Variants in PIK3C2G observed in about 807,000 individuals in gnomAD.
PIK3C2G encodes phosphatidylinositol-4-phosphate 3-kinase catalytic subunit type 2 gamma.
A neutral mutation model predicts 181.1 loss-of-function variants in PIK3C2G; 168 were observed. That is an observed-to-expected ratio of 0.93 (90% CI 0.82 to 1.05). The LOEUF is 1.05. Among genes scored for constraint, PIK3C2G ranks in the 50% least tolerant of loss-of-function variants. PIK3C2G has a pLI of 0.00. For synonymous variants in PIK3C2G, 573 were observed against 592.2 expected (o/e 0.97, Z 0.47); for missense variants, 1,869 against 1,732.8 (o/e 1.08, Z -1.40).
At chr12:18,247,503 G>C (rs899667084), upstream of PIK3C2G, 27 of 152,316 alleles carry the variant, frequency 1.8e-4, no homozygotes, top group African/African-American at 6.5e-4. Flanking sequence ...GTTTCCTAGC[G>C]AAGTGACCCA....
intron 18 of PIK3C2G, among the ~76,000 whole-genome samples, chr12:18,477,393 C>A (rs1369695201): frequency 6.6e-6 from 1 of 152,046 alleles, no homozygotes; most frequent in Non-Finnish European, 1.5e-5. Flanking sequence ...TTGAAACGAA[C>A]TGATAGAGTG....
chr12:18,663,238 G>C, the PIK3C2G span, among the ~76,000 whole-genome samples: 6 of 152,044 alleles, frequency 3.9e-5, no homozygotes, highest in African/African-American at 1.2e-4. Flanking sequence ...AGTTAGGCAA[G>C]AAAAGGAAAT....
chr12:18,701,786 C>A, the PIK3C2G span: 2 of 1,591,010 alleles, frequency 1.3e-6, no homozygotes, highest in Non-Finnish European at 1.7e-6. Context: ...CCTAAGGAAA[C>A]AATTTGAGAG....
At chr12:18,649,547 C>T (rs933969543), downstream of PIK3C2G, among the ~76,000 whole-genome samples, 1 of 152,070 alleles carries the variant, frequency 6.6e-6, no homozygotes, top group Non-Finnish European at 1.5e-5. Context: ...AATTGCTGAC[C>T]CACTACCCTG....
At chr12:18,344,653 T>C (rs1375130748) in intron 10 of PIK3C2G, among the ~76,000 whole-genome samples, 1 of 152,142 alleles carries the variant, frequency 6.6e-6, no homozygotes, top group Non-Finnish European at 1.5e-5. Context: ...CACAAAACTG[T>C]ACAGAAATGT....
the PIK3C2G span, chr12:18,699,997 G>GA: frequency 8.0e-5 from 124 of 1,542,362 alleles, no homozygotes; most frequent in Non-Finnish European, 1.0e-4. Flanking sequence ...TAATCATTGG[G>GA]AAAAAAAATT....
chr12:18,690,620 T>C, the PIK3C2G span, among the ~76,000 whole-genome samples: 2 of 152,078 alleles, frequency 1.3e-5, no homozygotes, highest in African/African-American at 2.4e-5. Context: ...TGCCATAATA[T>C]ATGCATGCAG....
chr12:18,685,883 G>A, the PIK3C2G span, among the ~76,000 whole-genome samples: 1 of 134,732 alleles, frequency 7.4e-6, no homozygotes, highest in African/African-American at 2.6e-5. Flanking sequence ...CAATAATATG[G>A]ATTAATTATA....
At chr12:18,646,314 C>T (rs688704) in intron 32 of PIK3C2G, among the ~76,000 whole-genome samples, 26,103 of 152,058 alleles carry the variant, frequency 0.17, 2,834 homozygotes, top group African/African-American at 0.3. Context: ...TGAGCAACAC[C>T]AGAAAACTAA....
chr12:18,481,334 G>A lies in PIK3C2G; in HGVS notation c.2505-7115G>A, dbSNP rs140160679. On this transcript the variant is annotated intron_variant, in intron 18 of 32. Coordinates refer to ENST00000538779, the MANE Select transcript of PIK3C2G (RefSeq NM_001288772.2). ...CCGGGTTGACCACGTTTTTCTGTGAGATGAATGTAAGGAGCTCTGATTTCT... is the reference window on the plus strand; with the variant it reads ...CCGGGTTGACCACGTTTTTCTGTGAAATGAATGTAAGGAGCTCTGATTTCT... Among the ~76,000 whole-genome samples, 379 of 152,254 alleles carry A rather than the reference G, an allele frequency of 2.5e-3. 1 individual carries two copies. Among genetic ancestry groups the A allele is most frequent in the African/African-American group, 8.5e-3 (352 of 41,556 alleles).
chr12:18,258,702 T>C (rs766762818), upstream of PIK3C2G, among the ~76,000 whole-genome samples: 4 of 152,078 alleles, frequency 2.6e-5, no homozygotes, highest in East Asian at 3.9e-4. Flanking sequence ...CTCTCATCTA[T>C]GTTGATTCTT....
chr12:18,571,589 A>G (rs961688601), intron 29 of PIK3C2G, among the ~76,000 whole-genome samples: 15 of 150,896 alleles, frequency 9.9e-5, no homozygotes, highest in African/African-American at 3.7e-4. Flanking sequence ...ATTTTCACTA[A>G]CGTTCACGTG....
chr12:18,614,083 C>T (rs1339426766), intron 31 of PIK3C2G, among the ~76,000 whole-genome samples: 1 of 151,838 alleles, frequency 6.6e-6, no homozygotes, highest in Non-Finnish European at 1.5e-5. Flanking sequence ...TTGTTTCATC[C>T]TAGATGCACT....
At chr12:18,582,199 A>G (rs1322677406) in intron 29 of PIK3C2G, among the ~76,000 whole-genome samples, 1 of 152,192 alleles carries the variant, frequency 6.6e-6, no homozygotes, top group Non-Finnish European at 1.5e-5. Context: ...CGATTGAAGC[A>G]TCCGGGCTCA....
chr12:18,319,013 A>T (rs1481842885), intron 6 of PIK3C2G, among the ~76,000 whole-genome samples: 1 of 150,694 alleles, frequency 6.6e-6, no homozygotes, highest in Admixed American at 6.6e-5. Flanking sequence ...TGAACCCGGG[A>T]GGTGGAGGTT....
intron 31 of PIK3C2G, among the ~76,000 whole-genome samples, chr12:18,615,375 G>GTGTATGTATA (rs1555150547): frequency 2.7e-3 from 246 of 89,608 alleles, no homozygotes; most frequent in South Asian, 9.8e-3. Context: ...GTGTGTATGT[G>GTGTATGTATA]TATATATATA....
chr12:18,373,408 C>G (rs1490975420), intron 13 of PIK3C2G, among the ~76,000 whole-genome samples: 1 of 152,142 alleles, frequency 6.6e-6, no homozygotes, highest in African/African-American at 2.4e-5. Flanking sequence ...TAAAGGTTTC[C>G]TATCGCTTTG....
the PIK3C2G span, among the ~76,000 whole-genome samples, chr12:18,708,582 C>T: frequency 6.6e-6 from 1 of 152,138 alleles, no homozygotes; most frequent in Admixed American, 6.6e-5. Context: ...TAGAAACCTC[C>T]ATGCTGTATT....
chr12:18,650,331 C>CTATATATATA (rs371220581), downstream of PIK3C2G, among the ~76,000 whole-genome samples: 14 of 91,964 alleles, frequency 1.5e-4, no homozygotes, highest in Non-Finnish European at 2.1e-4. Context: ...CTCTCTCTCT[C>CTATATATATA]TATATATATA....
Sources: allele counts gnomAD v4.1 joint callset (sites outside exome capture counted in the v4.1 genomes callset), GRCh38; gene constraint gnomAD v4.1.1; transcripts MANE v1.5; gene names NCBI Gene and HGNC (gene_info 2026-07-23, HGNC 2026-07-21).